Variants in PTPRO observed in about 807,000 individuals in gnomAD.
PTPRO encodes protein tyrosine phosphatase receptor type O, also known as receptor-type tyrosine-protein phosphatase O.
A neutral mutation model predicts 145.2 loss-of-function variants in PTPRO; 62 were observed. The observed-to-expected ratio is 0.43, with a 90% CI of 0.35 to 0.53. PTPRO has a LOEUF of 0.53. PTPRO is among the 20% of genes least tolerant of loss of function. PTPRO has a pLI of 0.01. For synonymous variants in PTPRO, 565 were observed against 514.7 expected (o/e 1.10, Z -1.32); for missense variants, 1,345 against 1,482.7 (o/e 0.91, Z 1.53).
intron 15 of PTPRO, among the ~76,000 whole-genome samples, chr12:15,552,825 A>C (rs1943504497): frequency 8.6e-6 from 1 of 116,794 alleles, no homozygotes; most frequent in Admixed American, 1.1e-4. Flanking sequence ...TTTGAGACAG[A>C]GTCTCACTCT....
At chr12:15,449,838 C>T (rs1158693418) in intron 1 of PTPRO, among the ~76,000 whole-genome samples, 3 of 152,148 alleles carry the variant, frequency 2.0e-5, no homozygotes, top group Non-Finnish European at 2.9e-5. Context: ...TGCTACTCTT[C>T]TGTAAGTCTA....
At chr12:15,415,636 T>G (rs1025748327) in intron 1 of PTPRO, among the ~76,000 whole-genome samples, 4 of 151,760 alleles carry the variant, frequency 2.6e-5, no homozygotes, top group African/African-American at 9.8e-5. Flanking sequence ...CCGCCCACCC[T>G]GGCCTCCCAA....
At chr12:15,542,105 T>G (rs933681955) in intron 12 of PTPRO, among the ~76,000 whole-genome samples, 2 of 152,166 alleles carry the variant, frequency 1.3e-5, no homozygotes, top group Admixed American at 1.3e-4. Context: ...ATAACAAAGA[T>G]AGAAAGCAAT....
chr12:15,339,221 C>T (rs533999971), intron 1 of PTPRO, among the ~76,000 whole-genome samples: 3 of 152,138 alleles, frequency 2.0e-5, no homozygotes, highest in Admixed American at 6.5e-5. Context: ...TTAAGGAAAA[C>T]ATTTCACATT....
At chr12:15,565,503 A>G (rs1358036935) in intron 17 of PTPRO, 90 bp from the exon 18 acceptor site, 2 of 839,658 alleles carry the variant, frequency 2.4e-6, no homozygotes, top group Non-Finnish European at 4.0e-6. Flanking sequence ...GAGGTACCTG[A>G]TGTAATTATT....
rs1271363015 is a variant in PTPRO, at chr12:15,580,759, C to T, written c.3060C>T (p.Asp1020=). 1.2e-5 allele frequency: 19 copies of T among 1,613,826 alleles called. No individual in the cohort carries two copies. In the Admixed American group the frequency reaches 2.8e-4, roughly 24 times the overall value. ...GGCCACTGCCTGAAACCAGAAATGA[C>T]TTCTGGAAGATGGTCCTGCAACAAA... ...TQGPLPETRN[D]FWKMVLQQKS... is the part of the protein sequence containing the mutation. Residue 1020 remains aspartate, a synonymous_variant, in exon 22 of 27, where the codon GAC becomes GAT. Coordinates refer to ENST00000281171, the MANE Select transcript of PTPRO (RefSeq NM_030667.3).
At chr12:15,435,163 G>C (rs1268267686) in intron 1 of PTPRO, among the ~76,000 whole-genome samples, 1 of 152,116 alleles carries the variant, frequency 6.6e-6, no homozygotes, top group African/African-American at 2.4e-5. Context: ...GGCTGGTATA[G>C]GGTAATAGAC....
intron 19 of PTPRO, among the ~76,000 whole-genome samples, chr12:15,575,212 G>A (rs1944153798): frequency 6.6e-6 from 1 of 152,180 alleles, no homozygotes; most frequent in Non-Finnish European, 1.5e-5. Context: ...AGGAAGAAAA[G>A]GGAGAAACAG....
intron 18 of PTPRO, among the ~76,000 whole-genome samples, chr12:15,568,202 G>A (rs918060499): frequency 6.6e-6 from 1 of 152,152 alleles, no homozygotes; most frequent in Non-Finnish European, 1.5e-5. Flanking sequence ...GGCTGAGGCA[G>A]GTGGATCACT....
chr12:15,579,052 A>T (rs1944251021), intron 20 of PTPRO, 109 bp downstream of exon 20: 1 of 903,846 alleles, frequency 1.1e-6, no homozygotes, highest in Non-Finnish European at 1.8e-6. Flanking sequence ...TGTGGTCCGG[A>T]TCTCAAGGCC....
chr12:15,579,918 A>G, intron 20 of PTPRO, 121 bp from the exon 21 acceptor site: 1 of 768,058 alleles, frequency 1.3e-6, no homozygotes, highest in South Asian at 1.5e-5. Flanking sequence ...ATATCAGGCT[A>G]AAAATTATTA....
chr12:15,509,291 A>T (rs980288332), intron 7 of PTPRO, among the ~76,000 whole-genome samples: 1 of 151,812 alleles, frequency 6.6e-6, no homozygotes, highest in Non-Finnish European at 1.5e-5. Flanking sequence ...AGAGGGTTGG[A>T]GGGTTTTTTG....
intron 1 of PTPRO, among the ~76,000 whole-genome samples, chr12:15,363,126 A>G (rs1461053964): frequency 1.3e-5 from 2 of 152,154 alleles, no homozygotes; most frequent in Admixed American, 1.3e-4. Context: ...CTAGGGAGGA[A>G]AATTGGCACT....
chr12:15,510,538 C>T (rs1283380520), intron 7 of PTPRO, among the ~76,000 whole-genome samples: 2 of 152,126 alleles, frequency 1.3e-5, no homozygotes, highest in Non-Finnish European at 2.9e-5. Flanking sequence ...TGTAAATTAT[C>T]AATGAGCCAG....
At chr12:15,550,013 C>T (rs1419464570) in intron 14 of PTPRO, among the ~76,000 whole-genome samples, 1 of 152,082 alleles carries the variant, frequency 6.6e-6, no homozygotes, top group Non-Finnish European at 1.5e-5. Flanking sequence ...CTCATTCCTA[C>T]ATCCTTGTAC....
chr12:15,438,653 A>C (rs1007272033), intron 1 of PTPRO, among the ~76,000 whole-genome samples: 2 of 152,092 alleles, frequency 1.3e-5, no homozygotes, highest in African/African-American at 4.8e-5. Context: ...CAATATGGCA[A>C]AAATAAATAT....
At position 15,526,160 on chromosome 12, in the gene PTPRO, A is replaced by T; in HGVS notation, c.2062A>T (p.Thr688Ser). Residue 688 changes from threonine to serine, a missense_variant, in exon 12 of 27, where the codon ACT (threonine) becomes TCT (serine). Thr to Ser is a moderately conservative substitution (Grantham distance 58). Transcript: ENST00000281171. ...IKKSVTRNVM[T>S]AILSLPPGDI... is the part of the protein sequence containing the mutation. ...CTTGCAGGTAACACGCAATGTCATG[A>T]CTGCAATTCTCAGCTTGCCTCCAGG... 6.2e-7 allele frequency: 1 copy of T among 1,614,046 alleles called. No individual in the cohort carries two copies. Among genetic ancestry groups the T allele is most frequent in the Non-Finnish European group, 8.5e-7 (1 of 1,179,932 alleles).
chr12:15,355,538 A>C (rs893590445), intron 1 of PTPRO, among the ~76,000 whole-genome samples: 2 of 152,232 alleles, frequency 1.3e-5, no homozygotes, highest in Non-Finnish European at 2.9e-5. Flanking sequence ...GCCTTCACAC[A>C]CAAGATGAGA....
intron 6 of PTPRO, among the ~76,000 whole-genome samples, chr12:15,507,028 GA>G (rs1306542520): frequency 6.6e-6 from 1 of 152,142 alleles, no homozygotes; most frequent in Non-Finnish European, 1.5e-5. Context: ...TCCTGTGTGT[GA>G]ATCCTAGCTC....
Sources: allele counts gnomAD v4.1 joint callset (sites outside exome capture counted in the v4.1 genomes callset), GRCh38; gene constraint gnomAD v4.1.1; transcripts MANE v1.5; gene names NCBI Gene and HGNC (gene_info 2026-07-23, HGNC 2026-07-21).